The following RB1 variants were observed in gnomAD, a reference collection of about 807,000 sequenced individuals.
RB1 encodes the protein RB transcriptional corepressor 1.
In RB1, 18 loss-of-function variants were observed where a neutral mutation model predicts 135.4. The observed-to-expected ratio is 0.13, with a 90% CI of 0.09 to 0.20. RB1 has a LOEUF of 0.20. RB1 is among the 10% of genes least tolerant of loss of function. The pLI, the probability that RB1 is intolerant of heterozygous loss-of-function variation, is 1.00. For synonymous variants in RB1, 365 were observed against 373.2 expected (o/e 0.98, Z 0.25); for missense variants, 868 against 1,110.0 (o/e 0.78, Z 3.10).
intron 17 of RB1, chr13:48,411,722 A>G: frequency 6.2e-7 from 1 of 1,605,778 alleles, no homozygotes; most frequent in South Asian, 1.1e-5. Flanking sequence ...ATATGATCAA[A>G]TGTACAAAAA....
In RB1 at chr13:48,319,100, G is replaced by T; in HGVS notation, c.264+11694G>T. The T allele has an allele frequency of 1.6e-6, 1 of 614,204 alleles. No homozygotes were observed. Among genetic ancestry groups the T allele is most frequent in the Non-Finnish European group, 3.0e-6 (1 of 332,036 alleles). The allele number at this position is 614,204 out of a possible 1,614,324, so 38.0% of individuals were successfully genotyped here. On this transcript the variant is annotated intron_variant, in intron 2 of 26. Transcript: ENST00000267163. The surrounding 1 kb of genome is among the most constrained non-coding windows in gnomAD (Gnocchi z 5.0). ...GGACCGTTCTACAAACTCGTTCCTG[G>T]AAGCCGGGCTCGCTGGAGGCGGAGC... is the stretch of plus-strand genomic sequence containing the variant.
rs2138083802 is a variant in RB1 at position 48,342,654 on chromosome 13, C to T, written c.320C>T (p.Ala107Val). The T allele has an allele frequency of 1.2e-6, 2 of 1,612,738 alleles. No homozygotes were observed. Reference protein sequence around the residue: ...ELWGICIFIAAVDLDEMSFTF... With the variant: ...ELWGICIFIAVVDLDEMSFTF... ...TGGGGAATCTGTATCTTTATTGCAG[C>T]AGTTGACCTAGATGAGATGTCGTTC... is the stretch of plus-strand genomic sequence containing the variant. Residue 107 changes from alanine to valine, a missense_variant, in exon 3 of 27, where the codon GCA (alanine) becomes GTA (valine). This residue lies in a region of RB1 where 641 missense variants were observed against 791.3 expected (regional missense o/e 0.81). Coordinates refer to ENST00000267163, the MANE Select transcript of RB1 (RefSeq NM_000321.3).
intron 1 of RB1, among the ~76,000 whole-genome samples, chr13:48,304,610 G>C (rs1280564820): frequency 6.6e-6 from 1 of 152,150 alleles, no homozygotes; most frequent in East Asian, 1.9e-4. Context: ...CGGCTCAGGA[G>C]CTTTGCGGCG....
chr13:48,392,838 T>A lies in RB1; in HGVS notation c.1695+11395T>A, dbSNP rs535099016. ...TTTTTTTGTTAGGTGCCAGATATCA[T>A]GAATTTTGCTTTAGTGGGTCCTGGA... On this transcript the variant is annotated intron_variant, in intron 17 of 26. Coordinates refer to ENST00000267163, the MANE Select transcript of RB1 (RefSeq NM_000321.3). Among the ~76,000 whole-genome samples, 5 of 152,254 alleles carry A rather than the reference T, an allele frequency of 3.3e-5. No homozygotes were observed. In the South Asian group the frequency reaches 1.0e-3, roughly 32 times the overall value.
rs762588468 is a variant in RB1, at chr13:48,476,787, T to G, written c.2607T>G (p.Pro869=). ...LKRSAEGSNP[P]KPLKKLRFDI... ...GAAGTGCTGAAGGAAGCAACCCTCC[T>G]AAACCACTGAAAAAACTACGCTTTG... The change falls in exon 25 of 27, where the codon CCT becomes CCG. Residue 869 remains proline, a synonymous_variant. Transcript: ENST00000267163. 5.6e-6 allele frequency: 9 copies of G among 1,613,600 alleles called. No individual in the cohort carries two copies. Among genetic ancestry groups the G allele is most frequent in the Non-Finnish European group, 7.6e-6 (9 of 1,179,714 alleles).
intron 2 of RB1, among the ~76,000 whole-genome samples, chr13:48,326,580 A>G (rs1952289451): frequency 6.6e-6 from 1 of 152,182 alleles, no homozygotes; most frequent in African/African-American, 2.4e-5. Context: ...ATCTTGATAT[A>G]ATTAAATCAT....
At position 48,480,259 on chromosome 13, in the gene RB1, T is replaced by C. The variant is rs549500314; in HGVS notation, c.*188T>C. On this transcript the variant is annotated 3_prime_UTR_variant, in exon 27 of 27. Transcript: ENST00000267163. ...AAGCCACTTGAAATGTTAGTCATTG[T>C]TATTTATACAAGATTGAAAATCTTG... The C allele has an allele frequency of 3.5e-5, 21 of 603,720 alleles. No individual in the cohort carries two copies. In the South Asian group the frequency reaches 4.1e-4, roughly 12 times the overall value. The allele number at this position is 603,720 out of a possible 1,614,324, so 37.4% of individuals were successfully genotyped here.
rs1952727939 is a variant in RB1, at chr13:48,368,629, A to T, written c.1127+25A>T. The T allele has an allele frequency of 4.4e-6, 7 of 1,604,688 alleles. No homozygotes were observed. In the East Asian group the frequency reaches 1.6e-4, roughly 36 times the overall value. ...GGTATGAATTTTCCTACTTTTAATT[A>T]TATTATAATTTTGTTATTCATGGCT... On this transcript the variant is annotated intron_variant, in intron 11 of 26. Transcript: ENST00000267163.
chr13:48,422,171 C>T (rs569711820), intron 17 of RB1, among the ~76,000 whole-genome samples: 8 of 152,228 alleles, frequency 5.3e-5, no homozygotes, highest in Middle Eastern at 3.4e-3. Flanking sequence ...TATATACCAT[C>T]GAATACTATG....
At chr13:48,365,583 T>C (rs1306675959) in intron 9 of RB1, among the ~76,000 whole-genome samples, 4 of 152,150 alleles carry the variant, frequency 2.6e-5, no homozygotes, top group African/African-American at 9.7e-5. Context: ...GAGAAAAGGA[T>C]GCTGTGATAG....
chr13:48,317,401 G>A (rs753441373), intron 2 of RB1: 1 of 383,364 alleles, frequency 2.6e-6, no homozygotes, highest in Admixed American at 4.4e-5. Flanking sequence ...GTTCCGGTGG[G>A]TGAAGTCGCT....
intron 3 of RB1, among the ~76,000 whole-genome samples, 178 bp downstream of exon 3, chr13:48,342,892 G>A (rs1219782690): frequency 4.6e-5 from 7 of 152,066 alleles, no homozygotes; most frequent in African/African-American, 1.4e-4. Context: ...GTGTATTTAT[G>A]CTGTATTTCT....
At chr13:48,351,195 A>G (rs1162721930) in intron 6 of RB1, among the ~76,000 whole-genome samples, 3 of 152,164 alleles carry the variant, frequency 2.0e-5, no homozygotes, top group Non-Finnish European at 4.4e-5. Flanking sequence ...TACACTCCCA[A>G]CCAAGAGTGT....
chr13:48,336,364 C>A (rs1206239504), intron 2 of RB1, among the ~76,000 whole-genome samples: 1 of 152,144 alleles, frequency 6.6e-6, no homozygotes, highest in African/African-American at 2.4e-5. Flanking sequence ...AATTTCAGAA[C>A]GTGTTATTGG....
chr13:48,391,590 A>C (rs1246791047), intron 17 of RB1: 2 of 152,170 alleles, frequency 1.3e-5, no homozygotes, highest in Non-Finnish European at 2.9e-5. Context: ...CTCTGTCTCT[A>C]TTCTTATAAA....
chr13:48,337,166 A>T (rs1200333382), intron 2 of RB1, among the ~76,000 whole-genome samples: 1 of 152,120 alleles, frequency 6.6e-6, no homozygotes, highest in Non-Finnish European at 1.5e-5. Context: ...TTGATTTTGG[A>T]TGGAGAGTTC....
chr13:48,388,362 C>A (rs1225840303), intron 17 of RB1, among the ~76,000 whole-genome samples: 2 of 152,046 alleles, frequency 1.3e-5, no homozygotes, highest in African/African-American at 4.8e-5. Context: ...AATTATAGGT[C>A]ATTTCAATAG....
intron 17 of RB1, among the ~76,000 whole-genome samples, chr13:48,420,894 A>G (rs2138241098): frequency 6.6e-6 from 1 of 152,332 alleles, no homozygotes; most frequent in African/African-American, 2.4e-5. Context: ...GAGGACACAA[A>G]CAAATGGAAG....
chr13:48,345,326 A>G, intron 4 of RB1, 127 bp downstream of exon 4: 1 of 1,084,554 alleles, frequency 9.2e-7, no homozygotes, highest in South Asian at 1.4e-5. Flanking sequence ...TGTCCCTTTT[A>G]ATGTTAGCTC....
Sources: gnomAD v4.1 joint callset for allele counts (sites outside exome capture counted in the v4.1 genomes callset) on GRCh38, gnomAD v4.1.1 for gene constraint, gnomAD v4.1.1 regional missense constraint, Gnocchi (gnomAD v3.1) non-coding constraint, MANE v1.5 for transcripts, NCBI Gene and HGNC (gene_info 2026-07-23, HGNC 2026-07-21) for gene names.